TMEM74: variants seen among roughly 807,000 people sequenced by gnomAD.
The protein encoded by TMEM74 is transmembrane protein 74.
TMEM74 carries 13 observed loss-of-function variants against 18.1 expected under a neutral mutation model. The ratio of observed to expected loss-of-function variants is 0.72; its 90% CI spans 0.47 to 1.14. The LOEUF (loss-of-function observed/expected upper bound fraction) is 1.14. TMEM74 is among the 50% of genes most tolerant of loss of function. The probability of loss-of-function intolerance (pLI) is 0.00; values close to 1 mark genes in which losing one functional copy is unlikely to be tolerated. For synonymous variants in TMEM74, 159 were observed against 146.6 expected (o/e 1.08, Z -0.61); for missense variants, 372 against 375.9 (o/e 0.99, Z 0.09).
intron 2 of TMEM74, among the ~76,000 whole-genome samples, chr8:108,638,950 C>T (rs1331037835): frequency 6.6e-6 from 1 of 152,164 alleles, no homozygotes; most frequent in Non-Finnish European, 1.5e-5. Flanking sequence ...TGAAAAAGTG[C>T]TTGCACATTT....
rs1388868864 is a variant in TMEM74, at chr8:108,782,213, T to C, written c.*1968A>G. ...GAGCTGGACTTAGAAACCTTCAGAATATAAAACTTATACCACTGGTAAGGC... is the reference window on the plus strand; with the variant it reads ...GAGCTGGACTTAGAAACCTTCAGAACATAAAACTTATACCACTGGTAAGGC... On this transcript the variant is annotated 3_prime_UTR_variant, in exon 2 of 2. Coordinates refer to ENST00000297459, the MANE Select transcript of TMEM74 (RefSeq NM_153015.3). 6.6e-6 allele frequency among the ~76,000 whole-genome samples: 1 copy of C among 152,148 alleles called. No individual in the cohort carries two copies. The highest frequency in any genetic ancestry group is 2.4e-5 in the African/African-American group (1 of 41,426).
At chr8:108,742,092 A>G (rs1209915251) in intron 1 of TMEM74, among the ~76,000 whole-genome samples, 4 of 152,170 alleles carry the variant, frequency 2.6e-5, no homozygotes, top group African/African-American at 9.7e-5. Flanking sequence ...TGGGACCTGA[A>G]TAATGAGAAA....
intron 1 of TMEM74, among the ~76,000 whole-genome samples, chr8:108,678,042 C>G (rs548524811): frequency 6.6e-6 from 1 of 151,242 alleles, no homozygotes; most frequent in East Asian, 2.0e-4. Context: ...AAGCAGGAGG[C>G]CAGTTTTCAT....
intron 1 of TMEM74, among the ~76,000 whole-genome samples, chr8:108,742,938 C>T (rs748475618): frequency 1.3e-5 from 2 of 152,140 alleles, no homozygotes; most frequent in Non-Finnish European, 2.9e-5. Flanking sequence ...TCAGGAAAGC[C>T]GTAAATCAAT....
rs570860881 is a variant in TMEM74 at position 108,784,914 on chromosome 8, G to A, written c.185C>T (p.Ser62Phe). ...AGAGGAGGAGGGGGATGCTGGAGAA[G>A]AACTAAGTTTAGACCCTTCCATCTC... is the stretch of plus-strand genomic sequence containing the variant. ...ATEMEGSKLS[S>F]SPASPSSSLQ... The change falls in exon 2 of 2, where the codon TCT becomes TTT. Residue 62 changes from serine to phenylalanine, a missense_variant. Transcript: ENST00000297459. 4 of 1,614,186 alleles carry A rather than the reference G, an allele frequency of 2.5e-6. No individual in the cohort carries two copies. Among genetic ancestry groups the A allele is most frequent in the East Asian group, 4.5e-5 (2 of 44,872 alleles).
chr8:108,749,386 C>T (rs1206561360), intron 1 of TMEM74, among the ~76,000 whole-genome samples: 1 of 152,078 alleles, frequency 6.6e-6, no homozygotes, highest in Non-Finnish European at 1.5e-5. Context: ...ATCTGTATTC[C>T]TAGGTATTTT....
At chr8:108,764,663 C>T (rs1200384415) in intron 1 of TMEM74, among the ~76,000 whole-genome samples, 1 of 152,078 alleles carries the variant, frequency 6.6e-6, no homozygotes, top group East Asian at 1.9e-4. Flanking sequence ...TGCGGTTGTG[C>T]ATTAGGCTCA....
intron 1 of TMEM74, among the ~76,000 whole-genome samples, chr8:108,755,575 A>G (rs1329424576): frequency 1.3e-5 from 2 of 152,122 alleles, no homozygotes; most frequent in African/African-American, 4.8e-5. Flanking sequence ...TTATTTCTCC[A>G]GGACCTAAGT....
intron 1 of TMEM74, among the ~76,000 whole-genome samples, chr8:108,759,882 A>C (rs999548942): frequency 1.3e-5 from 2 of 152,124 alleles, no homozygotes; most frequent in Admixed American, 1.3e-4. Context: ...AGAGTTTCAC[A>C]CAGTTCAGTC....
chr8:108,641,319 C>T (rs1348766098), intron 2 of TMEM74, among the ~76,000 whole-genome samples: 1 of 151,992 alleles, frequency 6.6e-6, no homozygotes, highest in East Asian at 1.9e-4. Context: ...AGAAAAATAA[C>T]AAAAAATACA....
chr8:108,645,879 G>C (rs2130566275), intron 2 of TMEM74, among the ~76,000 whole-genome samples: 1 of 152,220 alleles, frequency 6.6e-6, no homozygotes, highest in East Asian at 1.9e-4. Flanking sequence ...ACAGCAGAAA[G>C]GGTTTCTTGC....
At chr8:108,718,626 G>A (rs1813553017) in intron 1 of TMEM74, among the ~76,000 whole-genome samples, 1 of 152,138 alleles carries the variant, frequency 6.6e-6, no homozygotes. Context: ...AGAGAGAAAT[G>A]TGGGTGGGAC....
intron 1 of TMEM74, among the ~76,000 whole-genome samples, chr8:108,734,691 TA>T (rs1813728082): frequency 6.6e-6 from 1 of 152,068 alleles, no homozygotes; most frequent in African/African-American, 2.4e-5. Context: ...AAGAAAAATT[TA>T]AAGAAAGAAA....
At chr8:108,736,249 T>C (rs1260398370) in intron 1 of TMEM74, among the ~76,000 whole-genome samples, 1 of 152,176 alleles carries the variant, frequency 6.6e-6, no homozygotes, top group Non-Finnish European at 1.5e-5. Context: ...ATTTTATATT[T>C]GAGGTCTACT....
At chr8:108,757,572 A>G (rs1367203288) in intron 1 of TMEM74, among the ~76,000 whole-genome samples, 1 of 152,048 alleles carries the variant, frequency 6.6e-6, no homozygotes, top group Non-Finnish European at 1.5e-5. Context: ...ACCTTAACAA[A>G]GTCAATTTAC....
chr8:108,726,248 G>C (rs943857914), intron 1 of TMEM74, among the ~76,000 whole-genome samples: 4 of 152,142 alleles, frequency 2.6e-5, no homozygotes, highest in African/African-American at 9.7e-5. Flanking sequence ...TGCATTGAAA[G>C]CAGGAGGAAA....
intron 2 of TMEM74, among the ~76,000 whole-genome samples, chr8:108,644,528 G>T (rs1016627892): frequency 1.3e-5 from 2 of 152,094 alleles, no homozygotes; most frequent in Non-Finnish European, 2.9e-5. Flanking sequence ...AAGCGCTTCT[G>T]CACTGCAAAA....
chr8:108,688,564 GA>G (rs1813195009), intron 1 of TMEM74, among the ~76,000 whole-genome samples: 1 of 152,222 alleles, frequency 6.6e-6, no homozygotes, highest in Non-Finnish European at 1.5e-5. Flanking sequence ...GGGAGAGCAG[GA>G]GTACGTATGT....
chr8:108,743,359 TCTC>T (rs752408553), intron 1 of TMEM74, among the ~76,000 whole-genome samples: 23 of 152,134 alleles, frequency 1.5e-4, no homozygotes, highest in Admixed American at 6.6e-4. Context: ...AGCTGCTTCT[TCTC>T]CTTCTTGCAG....
Sources: allele counts gnomAD v4.1 joint callset (sites outside exome capture counted in the v4.1 genomes callset), GRCh38; gene constraint gnomAD v4.1.1; transcripts MANE v1.5; gene names NCBI Gene and HGNC (gene_info 2026-07-23, HGNC 2026-07-21).